Variants in USH2A observed in about 807,000 individuals in gnomAD.
USH2A encodes Usher syndrome 2A (autosomal recessive, mild).
Under a neutral mutation model 538.9 loss-of-function variants are expected in USH2A, and 443 were observed. That is an observed-to-expected ratio of 0.82 (90% CI 0.76 to 0.89). The LOEUF (loss-of-function observed/expected upper bound fraction) is 0.89, where lower values mean the gene tolerates loss of function less well. Among genes scored for constraint, USH2A ranks in the 40% least tolerant of loss-of-function variants. The pLI, the probability that USH2A is intolerant of heterozygous loss-of-function variation, is 0.00. For synonymous variants in USH2A, 2,413 were observed against 2,273.5 expected (o/e 1.06, Z -1.75); for missense variants, 6,633 against 6,324.8 (o/e 1.05, Z -1.65).
At chr1:215,688,208 C>T (rs1431758320) in intron 61 of USH2A, among the ~76,000 whole-genome samples, 3 of 151,986 alleles carry the variant, frequency 2.0e-5, no homozygotes, top group Non-Finnish European at 4.4e-5. Flanking sequence ...AAGAGCAGAA[C>T]AGAAACTCTA....
chr1:215,720,601 G>A (rs574361942), intron 61 of USH2A, among the ~76,000 whole-genome samples: 1 of 152,272 alleles, frequency 6.6e-6, no homozygotes, highest in South Asian at 2.1e-4. Context: ...TCATTATTTG[G>A]TGAAACCAAA....
At chr1:215,919,939 T>C (rs1325242576) in intron 38 of USH2A, among the ~76,000 whole-genome samples, 3 of 152,054 alleles carry the variant, frequency 2.0e-5, no homozygotes, top group African/African-American at 7.2e-5. Flanking sequence ...TTACTGTATG[T>C]TTTATTCAAA....
chr1:216,348,410 T>A (rs1310389583), intron 4 of USH2A, among the ~76,000 whole-genome samples: 2 of 152,054 alleles, frequency 1.3e-5, no homozygotes, highest in African/African-American at 4.8e-5. Flanking sequence ...CTGTGATAAG[T>A]AAAGAATGTC....
At chr1:216,062,970 GCTAA>G (rs1301549827) in intron 30 of USH2A, among the ~76,000 whole-genome samples, 5 of 152,108 alleles carry the variant, frequency 3.3e-5, no homozygotes, top group Non-Finnish European at 7.4e-5. Flanking sequence ...AGAACCCTAC[GCTAA>G]CTAATAAAGC....
At chr1:216,405,484 T>C (rs1315252985) in intron 3 of USH2A, among the ~76,000 whole-genome samples, 1 of 152,146 alleles carries the variant, frequency 6.6e-6, no homozygotes, top group Non-Finnish European at 1.5e-5. Context: ...ACCACAGTGA[T>C]ATATTATCTA....
intron 2 of USH2A, among the ~76,000 whole-genome samples, chr1:216,419,036 A>G (rs997053471): frequency 6.6e-6 from 1 of 152,152 alleles, no homozygotes; most frequent in Non-Finnish European, 1.5e-5. Flanking sequence ...GGTACAACAC[A>G]CTACAGGCCG....
chr1:215,779,831 T>A lies in USH2A; in HGVS notation c.10939+12A>T, dbSNP rs746892634. ...TCCTCCAGTAGGATTTCCTTTTTTT[T>A]TGTTTTCTCACCTGTGACCGTATGC... On this transcript the variant is annotated intron_variant, in intron 55 of 71. Transcript: ENST00000307340. 10 of 1,613,158 alleles carry A rather than the reference T, an allele frequency of 6.2e-6. No homozygotes were observed. The African/African-American group carries it at 1.1e-4, about 17-fold the overall frequency.
chr1:215,914,258 G>C (rs1053634295), intron 38 of USH2A, among the ~76,000 whole-genome samples: 3 of 151,612 alleles, frequency 2.0e-5, no homozygotes, highest in Non-Finnish European at 1.5e-5. Context: ...AAACAGAAAA[G>C]AAATGTCATG....
At chr1:216,105,654 G>C (rs2032712559) in intron 21 of USH2A, among the ~76,000 whole-genome samples, 2 of 151,902 alleles carry the variant, frequency 1.3e-5, no homozygotes, top group African/African-American at 4.8e-5. Flanking sequence ...AAAAAAGCTT[G>C]CTGGAATTTT....
At chr1:215,785,969 A>AC (rs1558097171) in intron 52 of USH2A, among the ~76,000 whole-genome samples, 12 of 149,958 alleles carry the variant, frequency 8.0e-5, no homozygotes, top group Admixed American at 2.7e-4. Context: ...ACACACACAC[A>AC]AACTTGATTT....
chr1:216,302,454 C>A (rs984011835), intron 9 of USH2A, among the ~76,000 whole-genome samples: 15 of 152,044 alleles, frequency 9.9e-5, no homozygotes, highest in African/African-American at 3.4e-4. Flanking sequence ...GACAGAAATG[C>A]CACGTGTTTA....
At chr1:216,120,046 A>C (rs2033095915) in intron 21 of USH2A, among the ~76,000 whole-genome samples, 1 of 152,108 alleles carries the variant, frequency 6.6e-6, no homozygotes, top group Non-Finnish European at 1.5e-5. Flanking sequence ...ATTTAGAATA[A>C]AATAAGTACA....
intron 43 of USH2A, among the ~76,000 whole-genome samples, chr1:215,872,856 C>T (rs936243843): frequency 2.0e-5 from 3 of 151,954 alleles, no homozygotes; most frequent in East Asian, 1.9e-4. Flanking sequence ...TTCCTCCCAG[C>T]GCCCTCTTGC....
At chr1:215,759,938 T>G in intron 56 of USH2A, 95 bp from the exon 57 acceptor site, 1 of 1,452,450 alleles carries the variant, frequency 6.9e-7, no homozygotes, top group Non-Finnish European at 9.6e-7. Context: ...TGATATTTTT[T>G]CTGTTGATTT....
intron 38 of USH2A, among the ~76,000 whole-genome samples, chr1:215,920,638 AG>A (rs1177889926): frequency 1.3e-5 from 2 of 151,944 alleles, no homozygotes; most frequent in African/African-American, 2.4e-5. Flanking sequence ...AGAGGAGAAA[AG>A]TTTCTCAAGG....
chr1:216,147,308 C>T (rs1225684683), intron 21 of USH2A, among the ~76,000 whole-genome samples: 2 of 152,148 alleles, frequency 1.3e-5, no homozygotes, highest in African/African-American at 4.8e-5. Flanking sequence ...CACCTCCCCT[C>T]CTCACACCTG....
intron 21 of USH2A, among the ~76,000 whole-genome samples, chr1:216,157,315 C>CA (rs1263208583): frequency 3.9e-5 from 6 of 152,038 alleles, no homozygotes; most frequent in Admixed American, 1.3e-4. Context: ...ATTAAAAAGT[C>CA]AAAAAACAGC....
intron 37 of USH2A, among the ~76,000 whole-genome samples, chr1:215,948,591 T>A (rs1216403628): frequency 1.3e-5 from 2 of 151,948 alleles, no homozygotes; most frequent in African/African-American, 2.4e-5. Context: ...ATATACAGTA[T>A]AATCTTTGTA....
intron 44 of USH2A, among the ~76,000 whole-genome samples, chr1:215,853,268 C>G (rs1355667849): frequency 6.6e-6 from 1 of 152,178 alleles, no homozygotes; most frequent in Non-Finnish European, 1.5e-5. Context: ...AAGCCGTGGC[C>G]CAAGCTCTAC....
Sources: allele counts gnomAD v4.1 joint callset (sites outside exome capture counted in the v4.1 genomes callset), GRCh38; gene constraint gnomAD v4.1.1; transcripts MANE v1.5; gene names NCBI Gene and HGNC (gene_info 2026-07-23, HGNC 2026-07-21).